GPHN: variants seen among roughly 807,000 people sequenced by gnomAD.
GPHN encodes the protein gephyrin.
A neutral mutation model predicts 95.5 loss-of-function variants in GPHN; 17 were observed. The ratio of observed to expected loss-of-function variants is 0.18; its 90% CI spans 0.12 to 0.27. The LOEUF (loss-of-function observed/expected upper bound fraction) is 0.27. Ranked by LOEUF, GPHN falls within the 10% of genes least tolerant of loss-of-function variation. The pLI is 1.00. For synonymous variants in GPHN, 320 were observed against 322.5 expected, an observed-to-expected ratio of 0.99 and a Z score of 0.08; for missense variants, 660 against 978.1, an observed-to-expected ratio of 0.67 and a Z score of 4.34.
At chr14:67,190,001 C>A in the GPHN span, among the ~76,000 whole-genome samples, 3 of 149,808 alleles carry the variant, frequency 2.0e-5, no homozygotes, top group African/African-American at 7.4e-5. Flanking sequence ...CCATCACGCC[C>A]AGCTAATTTT....
the GPHN span, among the ~76,000 whole-genome samples, chr14:67,567,325 CT>C: frequency 6.6e-6 from 1 of 152,094 alleles, no homozygotes; most frequent in Non-Finnish European, 1.5e-5. Context: ...TTGGAAAGCC[CT>C]TTTTTCAGTT....
intron 10 of GPHN, among the ~76,000 whole-genome samples, chr14:67,049,796 C>T (rs1301488911): frequency 6.6e-6 from 1 of 152,222 alleles, no homozygotes; most frequent in African/African-American, 2.4e-5. Flanking sequence ...CAGGCGTGAG[C>T]CACCGCGCCC....
chr14:66,525,279 C>A (rs958667743), intron 1 of GPHN, among the ~76,000 whole-genome samples: 10 of 152,166 alleles, frequency 6.6e-5, no homozygotes, highest in Admixed American at 6.5e-4. Flanking sequence ...TGTGTGTTGG[C>A]TGCATAAATG....
At chr14:67,347,543 C>A in the GPHN span, 31 of 1,179,950 alleles carry the variant, frequency 2.6e-5, no homozygotes, top group Non-Finnish European at 3.5e-5. Context: ...CTCTTGTCGC[C>A]GAGGCTGGAA....
intron 4 of GPHN, among the ~76,000 whole-genome samples, chr14:66,841,907 G>C (rs1235229622): frequency 3.3e-5 from 5 of 151,942 alleles, no homozygotes; most frequent in African/African-American, 9.7e-5. Flanking sequence ...AAAGAAAAAA[G>C]CCAGACCTGG....
At position 66,890,629 on chromosome 14, in the gene GPHN, CT is replaced by C. The variant is rs569340410; in HGVS notation, c.389+10597del. ...CAAAGACAGGAAAAACAAAACAAAA[CT>C]GCAGGCCAATATCCCTTAATGAATG... On this transcript the variant is annotated intron_variant, in intron 5 of 22. Transcript: ENST00000478722. Among the ~76,000 whole-genome samples, 3 of 152,088 alleles carry C rather than the reference CT, an allele frequency of 2.0e-5. No individual in the cohort carries two copies. In the East Asian group the frequency reaches 5.8e-4, roughly 29 times the overall value.
intron 1 of GPHN, among the ~76,000 whole-genome samples, chr14:66,679,849 T>A (rs914908500): frequency 3.3e-5 from 5 of 152,266 alleles, no homozygotes; most frequent in Non-Finnish European, 7.3e-5. Context: ...AGATCTTTTT[T>A]AAAGTCCTTG....
At chr14:67,642,190 C>T in the GPHN span, 3 of 1,612,826 alleles carry the variant, frequency 1.9e-6, no homozygotes, top group Admixed American at 1.7e-5. Flanking sequence ...TTCCAGGCTG[C>T]CACCTAAAAG....
At chr14:66,552,926 T>C (rs999097962) in intron 1 of GPHN, among the ~76,000 whole-genome samples, 1 of 152,082 alleles carries the variant, frequency 6.6e-6, no homozygotes, top group African/African-American at 2.4e-5. Context: ...TCAGTGTGGT[T>C]CTCTTTATAT....
At chr14:67,479,734 A>T in the GPHN span, among the ~76,000 whole-genome samples, 1 of 152,222 alleles carries the variant, frequency 6.6e-6, no homozygotes, top group Non-Finnish European at 1.5e-5. Flanking sequence ...GGAAAAAAAA[A>T]TGCTTGTGGA....
chr14:67,224,361 C>T, the GPHN span, among the ~76,000 whole-genome samples: 33 of 151,356 alleles, frequency 2.2e-4, no homozygotes, highest in Non-Finnish European at 7.4e-5. Context: ...CAGGTTCAAG[C>T]GATTCTCTTG....
chr14:66,912,157 CTGCTT>C (rs1310474997), intron 5 of GPHN, among the ~76,000 whole-genome samples: 1 of 152,116 alleles, frequency 6.6e-6, no homozygotes, highest in Non-Finnish European at 1.5e-5. Context: ...TTTGTCACTG[CTGCTT>C]TTTGCATCAG....
At chr14:66,924,865 T>C (rs1424832185) in intron 8 of GPHN, among the ~76,000 whole-genome samples, 1 of 151,988 alleles carries the variant, frequency 6.6e-6, no homozygotes, top group Admixed American at 6.6e-5. Context: ...GAATGATAGC[T>C]TGCAAAAAAA....
chr14:66,841,704 TC>T (rs1226502987), intron 4 of GPHN, among the ~76,000 whole-genome samples: 2 of 152,220 alleles, frequency 1.3e-5, no homozygotes, highest in East Asian at 3.9e-4. Context: ...AACCTGAACT[TC>T]CTTTAGATAT....
At position 66,508,204 on chromosome 14, in the gene GPHN, C is replaced by A. The variant is rs1184350786; in HGVS notation, c.-324C>A. 9.7e-6 allele frequency: 5 copies of A among 513,600 alleles called. 1 individual carries two copies. In the South Asian group the frequency reaches 1.0e-4, roughly 10 times the overall value. 31.8% of individuals were successfully genotyped at this position (513,600 alleles called of 1,614,324 possible). A position where few individuals can be genotyped will look rare whatever the true frequency, so the allele number is the denominator to read the frequency against. ...TGGGTCTCGCGCTCCGCAGAGCGTT[C>A]CGACACTCTCCGGCCTCGTTCTGCC... On this transcript the variant is annotated 5_prime_UTR_variant, in exon 1 of 23. Transcript: ENST00000478722.
chr14:67,683,221 TA>T, the GPHN span, among the ~76,000 whole-genome samples: 5 of 152,142 alleles, frequency 3.3e-5, no homozygotes, highest in Admixed American at 2.0e-4. Context: ...AATCCAATAG[TA>T]AGTTATGGAT....
At chr14:66,739,430 A>G (rs1287110677) in intron 2 of GPHN, among the ~76,000 whole-genome samples, 1 of 151,210 alleles carries the variant, frequency 6.6e-6, no homozygotes, top group Non-Finnish European at 1.5e-5. Flanking sequence ...GTTAGCCAGA[A>G]TGGTCTCGAT....
chr14:67,364,216 A>AT, the GPHN span: 2 of 152,148 alleles, frequency 1.3e-5, no homozygotes, highest in African/African-American at 4.8e-5. Flanking sequence ...TGTGATTAAA[A>AT]TTTTTTTAGT....
the GPHN span, chr14:67,583,743 A>C: frequency 1.2e-6 from 2 of 1,610,564 alleles, no homozygotes; most frequent in Non-Finnish European, 1.7e-6. Flanking sequence ...TACCACAGGT[A>C]GAATATGGGG....
Sources: gnomAD v4.1 joint callset for allele counts (sites outside exome capture counted in the v4.1 genomes callset) on GRCh38, gnomAD v4.1.1 for gene constraint, MANE v1.5 for transcripts, NCBI Gene and HGNC (gene_info 2026-07-23, HGNC 2026-07-21) for gene names.